The following ITGAX variants were observed in gnomAD, a reference collection of about 807,000 sequenced individuals.
ITGAX encodes the protein integrin subunit alpha X, also known as integrin alpha-X.
ITGAX carries 99 observed loss-of-function variants against 140.2 expected under a neutral mutation model. That is an observed-to-expected ratio of 0.71 (90% CI 0.60 to 0.83). ITGAX has a LOEUF of 0.83. Ranked by LOEUF, ITGAX falls within the 40% of genes least tolerant of loss-of-function variation. The pLI, the probability that ITGAX is intolerant of heterozygous loss-of-function variation, is 0.00. For missense variants in ITGAX, 1,444 were observed against 1,482.0 expected, an observed-to-expected ratio of 0.97 and a Z score of 0.42; for synonymous variants, 631 against 600.4, an observed-to-expected ratio of 1.05 and a Z score of -0.75.
chr16:31,375,079 G>A (rs920165634), intron 20 of ITGAX, among the ~76,000 whole-genome samples: 6 of 151,848 alleles, frequency 4.0e-5, no homozygotes, highest in Non-Finnish European at 4.4e-5. Flanking sequence ...GCAGTGGCAC[G>A]ATCTTGGCTC....
chr16:31,373,795 G>A (rs1205831840), intron 20 of ITGAX, among the ~76,000 whole-genome samples: 2 of 152,198 alleles, frequency 1.3e-5, no homozygotes, highest in African/African-American at 4.8e-5. Context: ...TTCGTGGTCT[G>A]CGTGGTCTGT....
chr16:31,366,229 CAA>C (rs2080891521), intron 14 of ITGAX, among the ~76,000 whole-genome samples: 1 of 152,206 alleles, frequency 6.6e-6, no homozygotes, highest in African/African-American at 2.4e-5. Context: ...CACAATGTTT[CAA>C]ACTTTTTTGT....
At position 31,376,897 on chromosome 16, in the gene ITGAX, C is replaced by A; in HGVS notation, c.2607C>A (p.Ile869=). The part of the protein sequence containing the change: ...WSTSCRINHL[I]FRGGAQITFL... ...CCAGCTGCAGAATCAACCACCTCATCTTCCGTGGCGGCGCCCAGGTCAGCC... is the reference window on the plus strand; with the variant it reads ...CCAGCTGCAGAATCAACCACCTCATATTCCGTGGCGGCGCCCAGGTCAGCC... Residue 869 remains isoleucine, a synonymous_variant, in exon 21 of 30, where the codon ATC becomes ATA. Coordinates refer to ENST00000268296, the MANE Select transcript of ITGAX (RefSeq NM_000887.5). 6.2e-7 allele frequency: 1 copy of A among 1,614,256 alleles called. No homozygotes were observed. Among genetic ancestry groups the A allele is most frequent in the South Asian group, 1.1e-5 (1 of 91,090 alleles).
chr16:31,373,196 T>C (rs2080988528), intron 19 of ITGAX, 53 bp from the exon 20 acceptor site: 1 of 936,124 alleles, frequency 1.1e-6, no homozygotes, highest in Non-Finnish European at 1.6e-6. Context: ...TCCCAGACCA[T>C]TTCTAGCCTC....
chr16:31,376,245 A>G (rs77819201), intron 20 of ITGAX, among the ~76,000 whole-genome samples: 2,027 of 152,356 alleles, frequency 0.013, 16 homozygotes, highest in Non-Finnish European at 0.023. Flanking sequence ...TAAAATAACA[A>G]TAAAAAGGTG....
intron 14 of ITGAX, among the ~76,000 whole-genome samples, chr16:31,368,025 A>G (rs1205651048): frequency 1.3e-5 from 2 of 152,160 alleles, no homozygotes; most frequent in Non-Finnish European, 2.9e-5. Flanking sequence ...GCTTCAGGGG[A>G]GGAAGTGATT....
At chr16:31,360,848 G>A (rs917232595) in intron 8 of ITGAX, 9 of 550,074 alleles carry the variant, frequency 1.6e-5, no homozygotes, top group African/African-American at 9.6e-5. Flanking sequence ...CAGCTCTCTC[G>A]GCTCTTACTG....
In ITGAX at chr16:31,363,269, G is replaced by A; in HGVS notation, c.1605G>A (p.Lys535=). The change falls in exon 14 of 30, where the codon AAG becomes AAA. Residue 535 remains lysine, a synonymous_variant. Transcript: ENST00000268296. ...TGCTGGGGGATGTGAATGGGGACAA[G>A]CTGACAGACGTGGTCATCGGGGCCC... is the stretch of plus-strand genomic sequence containing the variant. ...LTVLGDVNGD[K]LTDVVIGAPG... 6.2e-7 allele frequency: 1 copy of A among 1,613,820 alleles called. No homozygotes were observed. The highest frequency in any genetic ancestry group is 1.1e-5 in the South Asian group (1 of 91,078).
chr16:31,356,569 G>C (rs1275732797), intron 2 of ITGAX, 56 bp from the exon 3 acceptor site: 21 of 1,258,560 alleles, frequency 1.7e-5, no homozygotes, highest in Non-Finnish European at 2.2e-5. Flanking sequence ...TGCCGGAGTG[G>C]CAGCTGTGCT....
intron 9 of ITGAX, 196 bp downstream of exon 9, chr16:31,361,409 G>A (rs113459713): frequency 1.4e-6 from 1 of 710,608 alleles, no homozygotes; most frequent in Non-Finnish European, 2.5e-6. Flanking sequence ...GTGGCCCCAG[G>A]GATGGCCCTG....
At position 31,355,785 on chromosome 16, in the gene ITGAX, C is replaced by A. The variant is rs566865547; in HGVS notation, c.38-108C>A. ...TGGGTGTCCAGAAGACCCAGGCACC[C>A]CGGGCATCAGGCTCGGAGGGGAGAT... On this transcript the variant is annotated intron_variant, in intron 1 of 29. Transcript: ENST00000268296. 13 of 818,462 alleles carry A rather than the reference C, an allele frequency of 1.6e-5. No individual in the cohort carries two copies. In the East Asian group the frequency reaches 3.0e-4, roughly 19 times the overall value. 50.7% of individuals were successfully genotyped at this position (818,462 alleles called of 1,614,324 possible). A position where few individuals can be genotyped will look rare whatever the true frequency, so the allele number is the denominator to read the frequency against.
At position 31,382,962 on chromosome 16, in the gene ITGAX, T is replaced by TA; in HGVS notation, c.*1056dup. On this transcript the variant is annotated 3_prime_UTR_variant, in exon 30 of 30. Coordinates refer to ENST00000268296, the MANE Select transcript of ITGAX (RefSeq NM_000887.5). ...AGATGCATCTACCGCTCTTGGGAAATATGTCAAAGGTCTAAAAATAAAAAA... is the reference window on the plus strand; with the variant it reads ...AGATGCATCTACCGCTCTTGGGAAATAATGTCAAAGGTCTAAAAATAAAAAA... The TA allele has an allele frequency of 6.1e-6, 1 of 163,582 alleles. No homozygotes were observed. The highest frequency in any genetic ancestry group is 1.3e-5 in the Non-Finnish European group (1 of 75,034). The allele number at this position is 163,582 out of a possible 1,614,324, so 10.1% of individuals were successfully genotyped here. A position where few individuals can be genotyped will look rare whatever the true frequency, so the allele number is the denominator to read the frequency against.
In ITGAX at chr16:31,379,832, G is replaced by A. The variant is rs746029786; in HGVS notation, c.2944G>A (p.Val982Met). ...WVPVELNQEA[V>M]WMDVEVSHPQ... ...GCCTGTGGAGCTGAACCAGGAGGCT[G>A]TGTGGATGGATGTGGAGGTCTCCCA... is the stretch of plus-strand genomic sequence containing the variant. The change falls in exon 25 of 30, where the codon GTG becomes ATG. Residue 982 changes from valine (V) to methionine (M), a missense_variant. Physicochemically the swap from Val to Met is conservative, Grantham distance 21. Coordinates refer to ENST00000268296, the MANE Select transcript of ITGAX (RefSeq NM_000887.5). 6.2e-7 allele frequency: 1 copy of A among 1,614,228 alleles called. No homozygotes were observed. The highest frequency in any genetic ancestry group is 8.5e-7 in the Non-Finnish European group (1 of 1,180,034).
At chr16:31,366,142 C>T (rs1205250055) in intron 14 of ITGAX, among the ~76,000 whole-genome samples, 1 of 152,224 alleles carries the variant, frequency 6.6e-6, no homozygotes, top group Non-Finnish European at 1.5e-5. Context: ...AGCGACCCTG[C>T]ACTGAGCAAG....
chr16:31,382,392 C>G lies in ITGAX; in HGVS notation c.*485C>G. 1 of 1,523,374 alleles carries G rather than the reference C, an allele frequency of 6.6e-7. No homozygotes were observed. The highest frequency in any genetic ancestry group is 1.2e-5 in the South Asian group (1 of 83,812). The allele number at this position is 1,523,374 out of a possible 1,614,324, so 94.4% of individuals were successfully genotyped here. A position where few individuals can be genotyped will look rare whatever the true frequency, so the allele number is the denominator to read the frequency against. On this transcript the variant is annotated 3_prime_UTR_variant, in exon 30 of 30. Transcript: ENST00000268296. Reference sequence around the variant, plus strand: ...TCCTGAGTAGCTGGGACTACAGGCACACGCCACCTCGCCCGGCCCGATCTT... The same window carrying G: ...TCCTGAGTAGCTGGGACTACAGGCAGACGCCACCTCGCCCGGCCCGATCTT...
At chr16:31,366,232 ACT>A (rs1464656318) in intron 14 of ITGAX, among the ~76,000 whole-genome samples, 2 of 152,116 alleles carry the variant, frequency 1.3e-5, no homozygotes, top group Non-Finnish European at 2.9e-5. Context: ...AATGTTTCAA[ACT>A]TTTTTGTAAT....
At chr16:31,360,893 C>A in intron 8 of ITGAX, 170 bp from the exon 9 acceptor site, 1 of 631,252 alleles carries the variant, frequency 1.6e-6, no homozygotes, top group South Asian at 1.9e-5. Context: ...AGACTGGAGA[C>A]CATGATCCTT....
rs762235171 is a variant in ITGAX at position 31,372,434 on chromosome 16, G to A, written c.2217G>A (p.Val739=). The A allele has an allele frequency of 6.2e-6, 10 of 1,609,716 alleles. No individual in the cohort carries two copies. Among genetic ancestry groups the A allele is most frequent in the Middle Eastern group, 1.7e-4 (1 of 6,050 alleles). The change falls in exon 18 of 30, where the codon GTG becomes GTA. Residue 739 remains valine (V), a synonymous_variant. Coordinates refer to ENST00000268296, the MANE Select transcript of ITGAX (RefSeq NM_000887.5). ...PITLRLNFTL[V]GKPLLAFRNL... Reference sequence around the variant, plus strand: ...CCTTGCGTCTGAACTTCACGCTGGTGGGCAAGCCCCTCCTTGCCTTCAGAA... The same window carrying A: ...CCTTGCGTCTGAACTTCACGCTGGTAGGCAAGCCCCTCCTTGCCTTCAGAA...
rs113432287 is a variant in ITGAX, at chr16:31,379,133, G to GT, written c.2790-426dup. 9.7e-3 allele frequency among the ~76,000 whole-genome samples: 1,441 copies of GT among 149,256 alleles called. 24 individuals carry two copies. The highest frequency in any genetic ancestry group is 0.033 in the African/African-American group (1,335 of 40,520). On this transcript the variant is annotated intron_variant, in intron 23 of 29. Transcript: ENST00000268296. ...CCTGGTCTCTAAACTCTCTCTCTCT[G>GT]TTTTTTTTTGAGAGAGAGAGAGTCT... is the stretch of plus-strand genomic sequence containing the variant.
Sources: gnomAD v4.1 joint callset for allele counts (sites outside exome capture counted in the v4.1 genomes callset) on GRCh38, gnomAD v4.1.1 for gene constraint, MANE v1.5 for transcripts, NCBI Gene and HGNC (gene_info 2026-07-23, HGNC 2026-07-21) for gene names.